The following DOCK1 variants were observed in gnomAD, a reference collection of about 807,000 sequenced individuals.
DOCK1 encodes the protein dedicator of cytokinesis 1.
A neutral mutation model predicts 262.7 loss-of-function variants in DOCK1; 138 were observed. That is an observed-to-expected ratio of 0.53 (90% CI 0.46 to 0.61). The LOEUF is 0.61. Among genes scored for constraint, DOCK1 ranks in the 20% least tolerant of loss-of-function variants. The probability of loss-of-function intolerance (pLI) is 0.00; values close to 1 mark genes in which losing one functional copy is unlikely to be tolerated. For missense variants in DOCK1, 1,908 were observed against 2,370.7 expected (o/e 0.80, Z 4.05); for synonymous variants, 866 against 867.4 (o/e 1.00, Z 0.03).
intron 29 of DOCK1, among the ~76,000 whole-genome samples, chr10:127,262,266 G>A (rs568961004): frequency 1.3e-5 from 2 of 151,962 alleles, no homozygotes; most frequent in Non-Finnish European, 2.9e-5. Flanking sequence ...GCATGTGTGT[G>A]CATGTGGCTG....
intron 27 of DOCK1, among the ~76,000 whole-genome samples, chr10:127,196,895 G>T (rs1323173850): frequency 6.6e-6 from 1 of 152,116 alleles, no homozygotes; most frequent in Non-Finnish European, 1.5e-5. Flanking sequence ...TGGCGGGCGG[G>T]GGACTCCGTG....
At chr10:127,304,903 A>C (rs1767356396) in intron 29 of DOCK1, among the ~76,000 whole-genome samples, 1 of 152,074 alleles carries the variant, frequency 6.6e-6, no homozygotes, top group African/African-American at 2.4e-5. Context: ...AACAACAACA[A>C]CAAAAAAACT....
chr10:127,130,518 A>G (rs2133137907), intron 27 of DOCK1, among the ~76,000 whole-genome samples: 1 of 152,342 alleles, frequency 6.6e-6, no homozygotes, highest in Non-Finnish European at 1.5e-5. Flanking sequence ...TGGAGAGATT[A>G]TAAGATGTGC....
intron 25 of DOCK1, among the ~76,000 whole-genome samples, chr10:127,122,700 T>A (rs73378463): frequency 0.067 from 10,206 of 151,294 alleles, 696 homozygotes; most frequent in African/African-American, 0.18. Flanking sequence ...AAAATGACAG[T>A]GACATTTCTA....
At chr10:127,254,092 T>C (rs1362978115) in intron 28 of DOCK1, among the ~76,000 whole-genome samples, 1 of 152,168 alleles carries the variant, frequency 6.6e-6, no homozygotes, top group Non-Finnish European at 1.5e-5. Context: ...TATTGCTCCA[T>C]GAGAATTCAG....
At chr10:126,966,496 A>G (rs1181715850) in intron 1 of DOCK1, among the ~76,000 whole-genome samples, 1 of 152,072 alleles carries the variant, frequency 6.6e-6, no homozygotes, top group Non-Finnish European at 1.5e-5. Context: ...CTATAATGGC[A>G]TATTCCCACC....
At chr10:127,303,456 C>CA (rs1217584013) in intron 29 of DOCK1, among the ~76,000 whole-genome samples, 1 of 152,024 alleles carries the variant, frequency 6.6e-6, no homozygotes, top group African/African-American at 2.4e-5. Flanking sequence ...GAGTCTCTGT[C>CA]AGTGCTCGAT....
chr10:127,290,831 C>G (rs10829708), intron 29 of DOCK1, among the ~76,000 whole-genome samples: 70,038 of 152,068 alleles, frequency 0.46, 16,445 homozygotes, highest in Non-Finnish European at 0.51. Flanking sequence ...CCATACAAGG[C>G]CATTTGGGTT....
rs143030034 is a variant in DOCK1 at position 127,354,932 on chromosome 10, G to A, written c.3283+205G>A. Among the ~76,000 whole-genome samples, 307 of 152,282 alleles carry A rather than the reference G, an allele frequency of 2.0e-3. 1 individual carries two copies. Among genetic ancestry groups the A allele is most frequent in the African/African-American group, 7.3e-3 (302 of 41,552 alleles). Reference sequence around the variant, plus strand: ...AAGGAAAGAAAATCTCACGGGTGGGGCAAAAAGAAAAATCCACAGAGCACC... The same window carrying A: ...AAGGAAAGAAAATCTCACGGGTGGGACAAAAAGAAAAATCCACAGAGCACC... On this transcript the variant is annotated intron_variant, in intron 32 of 51. Transcript: ENST00000623213.
chr10:127,099,570 G>A (rs181026252), intron 23 of DOCK1, among the ~76,000 whole-genome samples: 10 of 152,232 alleles, frequency 6.6e-5, no homozygotes, highest in Admixed American at 2.6e-4. Context: ...GGGAGCAGGC[G>A]TGTCACATGG....
chr10:127,153,734 C>A, intron 27 of DOCK1: 2 of 759,448 alleles, frequency 2.6e-6, no homozygotes, highest in South Asian at 1.7e-5. Context: ...AAGTAAGGTC[C>A]TTCACTTTTT....
chr10:127,171,745 C>A (rs909162563), intron 27 of DOCK1, among the ~76,000 whole-genome samples: 2 of 152,044 alleles, frequency 1.3e-5, no homozygotes, highest in African/African-American at 4.8e-5. Flanking sequence ...GCTCTGTTGC[C>A]CAGGCTGGAG....
chr10:127,092,439 A>T (rs773397533), intron 23 of DOCK1, among the ~76,000 whole-genome samples: 3 of 152,216 alleles, frequency 2.0e-5, no homozygotes, highest in Non-Finnish European at 2.9e-5. Context: ...GTTGTGCCAC[A>T]CATGGGTCCG....
chr10:127,447,398 G>A lies in DOCK1; in HGVS notation c.5418G>A (p.Leu1806=). 1 of 1,612,240 alleles carries A rather than the reference G, an allele frequency of 6.2e-7. No individual in the cohort carries two copies. The highest frequency in any genetic ancestry group is 8.5e-7 in the Non-Finnish European group (1 of 1,179,170). ...AKLSFSMQSS[L]ELNGMTGADV... is the part of the protein sequence containing the mutation. The stretch of plus-strand genomic sequence containing the variant: ...AAATAGATCCCGGTTTTCCAGGCTT[G>A]GAGCTGAACGGCATGACGGGGGCGG... Residue 1806 remains leucine, a synonymous_variant, in exon 51 of 52, where the codon TTG becomes TTA. Coordinates refer to ENST00000623213, the MANE Select transcript of DOCK1 (RefSeq NM_001290223.2).
At chr10:127,319,206 A>T (rs1440234110) in intron 29 of DOCK1, among the ~76,000 whole-genome samples, 1 of 152,168 alleles carries the variant, frequency 6.6e-6, no homozygotes, top group Non-Finnish European at 1.5e-5. Flanking sequence ...TCCATCCCTG[A>T]TTTGCTTTTC....
chr10:126,928,683 A>G (rs1185479131), intron 1 of DOCK1, among the ~76,000 whole-genome samples: 1 of 152,232 alleles, frequency 6.6e-6, no homozygotes, highest in African/African-American at 2.4e-5. Flanking sequence ...GTCCTTGTTA[A>G]GAAGAGGAGG....
Position 126,948,711 on chromosome 10 carries a change from G to A in DOCK1, c.47-21991G>A, listed in dbSNP as rs937788237. Among the ~76,000 whole-genome samples, 1,488 of 152,090 alleles carry A rather than the reference G, an allele frequency of 9.8e-3. 25 individuals carry two copies. The highest frequency in any genetic ancestry group is 0.032 in the African/African-American group (1,317 of 41,522). ...CCTCACCTCTCGGAGCCTGTGATGC[G>A]GGCGCCCAGCTGTGCAGCTGCCATC... On this transcript the variant is annotated intron_variant, in intron 1 of 51. Transcript: ENST00000623213.
At chr10:127,441,296 G>T (rs572061549) in intron 49 of DOCK1, among the ~76,000 whole-genome samples, 216 of 152,308 alleles carry the variant, frequency 1.4e-3, no homozygotes, top group Non-Finnish European at 2.1e-3. Flanking sequence ...GCTAGGGGCA[G>T]CCCCACGAGG....
At chr10:127,070,249 C>CATT (rs2046139979) in intron 23 of DOCK1, among the ~76,000 whole-genome samples, 1 of 78,772 alleles carries the variant, frequency 1.3e-5, no homozygotes, top group Admixed American at 1.6e-4. Context: ...TGAATTTAGC[C>CATT]CTTTTTTTTT....
Sources: allele counts gnomAD v4.1 joint callset (sites outside exome capture counted in the v4.1 genomes callset), GRCh38; gene constraint gnomAD v4.1.1; transcripts MANE v1.5; gene names NCBI Gene and HGNC (gene_info 2026-07-23, HGNC 2026-07-21).